Variants in FRMD6 observed in about 807,000 individuals in gnomAD.
FRMD6 encodes FERM domain containing 6.
In FRMD6, 37 loss-of-function variants were observed where a neutral mutation model predicts 73.2. The ratio of observed to expected loss-of-function variants is 0.51; its 90% CI spans 0.39 to 0.66. The LOEUF (loss-of-function observed/expected upper bound fraction) is 0.66. FRMD6 is among the 30% of genes least tolerant of loss of function. The pLI is 0.00. For missense variants in FRMD6, 714 were observed against 780.5 expected, an observed-to-expected ratio of 0.91 and a Z score of 1.02; for synonymous variants, 273 against 282.2, an observed-to-expected ratio of 0.97 and a Z score of 0.33.
intron 1 of FRMD6, among the ~76,000 whole-genome samples, chr14:51,654,955 A>G (rs1594667293): frequency 6.6e-6 from 1 of 152,208 alleles, no homozygotes; most frequent in African/African-American, 2.4e-5. Context: ...ATAAGTGGGA[A>G]AACAGGAGGT....
intron 1 of FRMD6, among the ~76,000 whole-genome samples, chr14:51,658,867 A>C (rs1324802412): frequency 6.6e-6 from 1 of 152,244 alleles, no homozygotes; most frequent in Admixed American, 6.5e-5. Flanking sequence ...AGCTCATTAA[A>C]AAGGTGAAGA....
At chr14:51,457,975 G>T in the FRMD6 span, among the ~76,000 whole-genome samples, 1 of 152,114 alleles carries the variant, frequency 6.6e-6, no homozygotes, top group Non-Finnish European at 1.5e-5. Flanking sequence ...ACCTGTGCCT[G>T]CTCTGAGATC....
intron 11 of FRMD6, among the ~76,000 whole-genome samples, 188 bp from the exon 12 acceptor site, chr14:51,721,761 G>GGGAAGGAGGGAAGGAGGTAAGGAA (rs750853411): frequency 7.3e-6 from 1 of 137,236 alleles, no homozygotes; most frequent in African/African-American, 2.9e-5. Context: ...GAAGGAAGGA[G>GGGAAGGAGGGAAGGAGGTAAGGAA]GGAAGGAGGG....
At chr14:51,708,870 C>T (rs1896782227) in intron 7 of FRMD6, among the ~76,000 whole-genome samples, 1 of 152,124 alleles carries the variant, frequency 6.6e-6, no homozygotes, top group African/African-American at 2.4e-5. Context: ...AGGCTGTGAG[C>T]CTAAGGCACT....
intron 4 of FRMD6, among the ~76,000 whole-genome samples, chr14:51,701,896 T>G (rs573932191): frequency 1.1e-4 from 16 of 152,088 alleles, no homozygotes; most frequent in African/African-American, 3.8e-4. Context: ...TTCATTGTAC[T>G]GGTGCTTTAT....
At chr14:51,710,652 C>G (rs1169351684) in intron 7 of FRMD6, among the ~76,000 whole-genome samples, 2 of 152,122 alleles carry the variant, frequency 1.3e-5, no homozygotes, top group African/African-American at 4.8e-5. Context: ...AATATTTCAT[C>G]CCATGTTCAT....
At position 51,704,599 on chromosome 14, in the gene FRMD6, C is replaced by G. The variant is rs1896516445; in HGVS notation, c.372-150C>G. 3 of 631,596 alleles carry G rather than the reference C, an allele frequency of 4.7e-6. No individual in the cohort carries two copies. The East Asian group carries it at 8.2e-5, about 17-fold the overall frequency. 39.1% of individuals were successfully genotyped at this position (631,596 alleles called of 1,614,324 possible). On this transcript the variant is annotated intron_variant, in intron 5 of 13. Transcript: ENST00000344768. ...CAGTGAGGCAGCTATCAGATATTAG[C>G]TACAACCGCTTCCTTTTCAGTGAGG...
chr14:51,558,833 A>G (rs1346857317), intron 1 of FRMD6, among the ~76,000 whole-genome samples: 1 of 152,056 alleles, frequency 6.6e-6, no homozygotes, highest in East Asian at 1.9e-4. Context: ...GCCACCTGTC[A>G]TTTCTTGCTA....
intron 2 of FRMD6, among the ~76,000 whole-genome samples, chr14:51,632,974 A>G (rs1891394351): frequency 6.6e-6 from 1 of 152,224 alleles, no homozygotes; most frequent in Non-Finnish European, 1.5e-5. Flanking sequence ...AGGTGTGATT[A>G]TGGTATCTGG....
At chr14:51,570,476 C>T (rs1179392150) in intron 2 of FRMD6, 1 of 152,130 alleles carries the variant, frequency 6.6e-6, no homozygotes, top group Non-Finnish European at 1.5e-5. Flanking sequence ...TTTAAGAAAT[C>T]TAAAGATGGT....
At chr14:51,723,772 C>CAAAAAAAAAAAAAA (rs71443192) in intron 12 of FRMD6, among the ~76,000 whole-genome samples, 1 of 138,698 alleles carries the variant, frequency 7.2e-6, no homozygotes. Flanking sequence ...GAGACTCTGT[C>CAAAAAAAAAAAAAA]AAAAAAAAAA....
intron 1 of FRMD6, among the ~76,000 whole-genome samples, chr14:51,539,242 A>T (rs993752393): frequency 2.6e-5 from 4 of 151,748 alleles, no homozygotes; most frequent in Non-Finnish European, 4.4e-5. Flanking sequence ...CACCTAGTTA[A>T]CTATTTTTCA....
chr14:51,714,432 C>T (rs924217751), intron 9 of FRMD6: 1 of 152,254 alleles, frequency 6.6e-6, no homozygotes, highest in Non-Finnish European at 1.5e-5. Context: ...TACCTCCACT[C>T]TCTGGCTGAG....
intron 1 of FRMD6, among the ~76,000 whole-genome samples, chr14:51,534,803 G>T (rs1885786943): frequency 6.6e-6 from 1 of 152,194 alleles, no homozygotes; most frequent in African/African-American, 2.4e-5. Flanking sequence ...GACCCCAAAG[G>T]TTATGCTTTC....
intron 2 of FRMD6, among the ~76,000 whole-genome samples, chr14:51,614,632 C>T (rs187018778): frequency 1.3e-5 from 2 of 152,272 alleles, no homozygotes; most frequent in Non-Finnish European, 2.9e-5. Context: ...TGAGGCACTA[C>T]CATCTTCAAA....
At chr14:51,524,541 G>T (rs1198543854) in intron 1 of FRMD6, among the ~76,000 whole-genome samples, 4 of 151,338 alleles carry the variant, frequency 2.6e-5, no homozygotes, top group Admixed American at 1.3e-4. Context: ...TATGACGGGG[G>T]GGGTCTCTTT....
chr14:51,422,743 C>T, the FRMD6 span, among the ~76,000 whole-genome samples: 461 of 152,276 alleles, frequency 3.0e-3, 2 homozygotes, highest in Non-Finnish European at 3.0e-3. Flanking sequence ...TTTGCATTCC[C>T]GGAGAAAAGA....
chr14:51,405,091 G>A, the FRMD6 span, among the ~76,000 whole-genome samples: 2 of 152,200 alleles, frequency 1.3e-5, no homozygotes, highest in Admixed American at 6.5e-5. Flanking sequence ...CCATGTTTCC[G>A]CAAAAGACAT....
intron 2 of FRMD6, 153 bp from the exon 3 acceptor site, chr14:51,697,989 G>A: frequency 3.6e-6 from 2 of 553,044 alleles, no homozygotes; most frequent in South Asian, 4.4e-5. Context: ...CACAACCCCA[G>A]GTTAAAGTGA....
Sources: allele counts gnomAD v4.1 joint callset (sites outside exome capture counted in the v4.1 genomes callset), GRCh38; gene constraint gnomAD v4.1.1; transcripts MANE v1.5; gene names NCBI Gene and HGNC (gene_info 2026-07-23, HGNC 2026-07-21).